The following SETBP1 variants were observed in gnomAD, a reference collection of about 807,000 sequenced individuals.
SETBP1 encodes SET-binding protein.
A neutral mutation model predicts 101.0 loss-of-function variants in SETBP1; 9 were observed. The ratio of observed to expected loss-of-function variants is 0.09; its 90% CI spans 0.05 to 0.16. SETBP1 has a LOEUF of 0.16. Ranked by LOEUF, SETBP1 falls within the 10% of genes least tolerant of loss-of-function variation. The pLI, the probability that SETBP1 is intolerant of heterozygous loss-of-function variation, is 1.00. For synonymous variants in SETBP1, 818 were observed against 788.5 expected (o/e 1.04, Z -0.63); for missense variants, 1,858 against 2,033.8 (o/e 0.91, Z 1.66).
intron 4 of SETBP1, among the ~76,000 whole-genome samples, chr18:44,994,358 C>A (rs2072446110): frequency 6.6e-6 from 1 of 152,000 alleles, no homozygotes; most frequent in Non-Finnish European, 1.5e-5. Flanking sequence ...CCCACACTGG[C>A]AAAAATGGAA....
rs74901045 is a variant in SETBP1 at position 44,982,498 on chromosome 18, A to G, written c.4000+29158A>G. ...TTGCATTTTTTTCCCTCCTCTTCTG[A>G]GTTTGTCATGAGTTGTTGAAAAGCA... On this transcript the variant is annotated intron_variant, in intron 4 of 5. Coordinates refer to ENST00000649279, the MANE Select transcript of SETBP1 (RefSeq NM_015559.3). 1.8e-3 allele frequency among the ~76,000 whole-genome samples: 270 copies of G among 152,050 alleles called. 1 individual carries two copies. Among genetic ancestry groups the G allele is most frequent in the African/African-American group, 6.2e-3 (259 of 41,452 alleles).
chr18:44,897,007 G>A lies in SETBP1; in HGVS notation c.540+27724G>A, dbSNP rs577249940. ...GATCGGAAATGTTTACCCAGCTGTC[G>A]CCCAGAGTGTATTGACTCACTCCTG... is the stretch of plus-strand genomic sequence containing the variant. On this transcript the variant is annotated intron_variant, in intron 3 of 5. Coordinates refer to ENST00000649279, the MANE Select transcript of SETBP1 (RefSeq NM_015559.3). 3.7e-4 allele frequency among the ~76,000 whole-genome samples: 56 copies of A among 152,226 alleles called. No homozygotes were observed. In the South Asian group the frequency reaches 0.011, roughly 29 times the overall value.
chr18:44,741,759 G>A (rs964689477), intron 2 of SETBP1, among the ~76,000 whole-genome samples: 3 of 152,134 alleles, frequency 2.0e-5, no homozygotes, highest in Non-Finnish European at 4.4e-5. Flanking sequence ...CCACTGAGGA[G>A]CGTGAAGCCA....
chr18:45,052,754 G>T (rs1034316542), intron 5 of SETBP1, among the ~76,000 whole-genome samples: 2 of 152,100 alleles, frequency 1.3e-5, no homozygotes, highest in Non-Finnish European at 2.9e-5. Flanking sequence ...TTTGTAAATT[G>T]ACATCTTTTT....
At chr18:44,992,678 C>T (rs2072404220) in intron 4 of SETBP1, among the ~76,000 whole-genome samples, 1 of 151,946 alleles carries the variant, frequency 6.6e-6, no homozygotes, top group Non-Finnish European at 1.5e-5. Flanking sequence ...ACCCACATTT[C>T]CCTTTAATCA....
chr18:44,983,188 CA>C (rs2072153017), intron 4 of SETBP1, among the ~76,000 whole-genome samples: 1 of 152,018 alleles, frequency 6.6e-6, no homozygotes, highest in Admixed American at 6.6e-5. Flanking sequence ...TTTATAGAAT[CA>C]TAGAGTTGGA....
intron 4 of SETBP1, among the ~76,000 whole-genome samples, chr18:44,994,884 A>G (rs1458602894): frequency 1.3e-5 from 2 of 152,186 alleles, no homozygotes; most frequent in East Asian, 3.9e-4. Flanking sequence ...GTTGCCATGT[A>G]TGGTTGTATA....
intron 2 of SETBP1, among the ~76,000 whole-genome samples, chr18:44,808,189 C>G (rs759599856): frequency 6.6e-6 from 1 of 152,160 alleles, no homozygotes; most frequent in East Asian, 1.9e-4. Flanking sequence ...TCTATCCACA[C>G]GATTGTAAAT....
chr18:45,048,766 A>T (rs1472575312), intron 5 of SETBP1, among the ~76,000 whole-genome samples: 1 of 151,292 alleles, frequency 6.6e-6, no homozygotes, highest in Non-Finnish European at 1.5e-5. Context: ...AGGTCAGGAG[A>T]TCGAGACCAT....
At chr18:44,875,974 T>A (rs1285719636) in intron 3 of SETBP1, among the ~76,000 whole-genome samples, 2 of 152,230 alleles carry the variant, frequency 1.3e-5, no homozygotes, top group Non-Finnish European at 2.9e-5. Context: ...TGGCTGCACC[T>A]TCGTTTTTGA....
rs74352152 is a variant in SETBP1, at chr18:44,846,493, A to G, written c.487-22737A>G. 7.4e-3 allele frequency among the ~76,000 whole-genome samples: 1,123 copies of G among 152,312 alleles called. 15 individuals are homozygous for G. Among genetic ancestry groups the G allele is most frequent in the African/African-American group, 0.026 (1,071 of 41,572 alleles). On this transcript the variant is annotated intron_variant, in intron 2 of 5. Transcript: ENST00000649279. ...GATTTGCCTGTTCTGGATATTTCCT[A>G]TACATGGAGTCATATACAGCATGTG...
chr18:45,059,878 G>A (rs902567242), intron 5 of SETBP1, among the ~76,000 whole-genome samples: 1 of 152,188 alleles, frequency 6.6e-6, no homozygotes, highest in Non-Finnish European at 1.5e-5. Flanking sequence ...TAGATGTTGA[G>A]TAGTAGGTGA....
chr18:44,899,211 C>G (rs1287157849), intron 3 of SETBP1, among the ~76,000 whole-genome samples: 2 of 152,072 alleles, frequency 1.3e-5, no homozygotes, highest in Non-Finnish European at 2.9e-5. Context: ...GTTGAAAAGC[C>G]ATTTTAAATA....
intron 4 of SETBP1, among the ~76,000 whole-genome samples, chr18:44,991,806 A>G (rs901879744): frequency 2.0e-5 from 3 of 152,212 alleles, no homozygotes; most frequent in Non-Finnish European, 2.9e-5. Context: ...ATAAACACGC[A>G]TAAGTGCTAC....
intron 3 of SETBP1, among the ~76,000 whole-genome samples, chr18:44,918,752 A>G (rs534652726): frequency 9.8e-5 from 15 of 152,340 alleles, no homozygotes; most frequent in African/African-American, 3.4e-4. Context: ...ACATTTGACT[A>G]TATAATATGG....
At chr18:44,892,527 C>T (rs1328691129) in intron 3 of SETBP1, among the ~76,000 whole-genome samples, 1 of 152,042 alleles carries the variant, frequency 6.6e-6, no homozygotes, top group Non-Finnish European at 1.5e-5. Flanking sequence ...GATCTTGTTA[C>T]CAATTCAAAA....
At chr18:44,889,157 A>G (rs1479183555) in intron 3 of SETBP1, among the ~76,000 whole-genome samples, 1 of 152,112 alleles carries the variant, frequency 6.6e-6, no homozygotes, top group Non-Finnish European at 1.5e-5. Flanking sequence ...ACAGAGATAA[A>G]TAATTTTGCT....
intron 4 of SETBP1, among the ~76,000 whole-genome samples, chr18:44,972,320 G>C (rs1007145151): frequency 3.0e-4 from 45 of 152,148 alleles, no homozygotes; most frequent in African/African-American, 9.9e-4. Flanking sequence ...GATGCCTCCA[G>C]CTTTGTTCTT....
At chr18:44,947,044 G>A (rs182698893) in intron 3 of SETBP1, among the ~76,000 whole-genome samples, 4 of 152,314 alleles carry the variant, frequency 2.6e-5, no homozygotes, top group Admixed American at 2.6e-4. Context: ...AGTGCCTACT[G>A]TGTGCCAGGT....
Sources: gnomAD v4.1 joint callset for allele counts (sites outside exome capture counted in the v4.1 genomes callset) on GRCh38, gnomAD v4.1.1 for gene constraint, MANE v1.5 for transcripts, NCBI Gene and HGNC (gene_info 2026-07-23, HGNC 2026-07-21) for gene names.